Variants in GREB1 observed in about 807,000 individuals in gnomAD.
GREB1 encodes the protein growth regulating estrogen receptor binding 1.
GREB1 carries 106 observed loss-of-function variants against 200.7 expected under a neutral mutation model. The observed-to-expected ratio is 0.53, with a 90% CI of 0.45 to 0.62. GREB1 has a LOEUF of 0.62. GREB1 is among the 20% of genes least tolerant of loss of function. GREB1 has a pLI of 0.00. For missense variants in GREB1, 2,243 were observed against 2,556.8 expected, an observed-to-expected ratio of 0.88 and a Z score of 2.65; for synonymous variants, 1,132 against 1,092.4, an observed-to-expected ratio of 1.04 and a Z score of -0.72.
intron 1 of GREB1, among the ~76,000 whole-genome samples, chr2:11,512,019 C>T (rs867417782): frequency 4.6e-5 from 7 of 152,268 alleles, no homozygotes; most frequent in South Asian, 2.1e-4. Flanking sequence ...TGTTACTCAG[C>T]GATTTCTAGC....
intron 10 of GREB1, chr2:11,592,190 T>A: frequency 2.1e-6 from 1 of 478,832 alleles, no homozygotes; most frequent in Non-Finnish European, 2.7e-6. Flanking sequence ...TTTTTTTCTT[T>A]TTTTTTTTTT....
chr2:11,490,417 C>G (rs991333547), intron 1 of GREB1, among the ~76,000 whole-genome samples: 1 of 152,170 alleles, frequency 6.6e-6, no homozygotes, highest in Non-Finnish European at 1.5e-5. Flanking sequence ...GAATAATATT[C>G]CATTGTATGG....
intron 2 of GREB1, 107 bp from the exon 3 acceptor site, chr2:11,562,356 G>A (rs1389336279): frequency 4.1e-6 from 6 of 1,479,918 alleles, no homozygotes; most frequent in Non-Finnish European, 5.5e-6. Context: ...AGTCCCATAG[G>A]TCCTGGGCTT....
Position 11,595,322 on chromosome 2 carries a change from G to T in GREB1, c.1768G>T (p.Glu590Ter). The change falls in exon 12 of 33, where the codon GAG becomes TAG. Residue 590 changes from glutamate to a stop codon, truncating the protein, a stop_gained. Transcript: ENST00000381486. LOFTEE classifies it high-confidence loss of function. Reference protein sequence around the residue: ...PAEYQKEVNYELVTGKVDSLG... With the variant: ...PAEYQKEVNY ...GGAGTACCAGAAGGAAGTCAATTACGAGCTGGTTACGGGGAAGGTAGACTC... is the reference window on the plus strand; with the variant it reads ...GGAGTACCAGAAGGAAGTCAATTACTAGCTGGTTACGGGGAAGGTAGACTC... 6.2e-7 allele frequency: 1 copy of T among 1,613,994 alleles called. No homozygotes were observed. The highest frequency in any genetic ancestry group is 8.5e-7 in the Non-Finnish European group (1 of 1,179,922).
chr2:11,566,867 A>G lies in GREB1; in HGVS notation c.454+211A>G, dbSNP rs1480129081. 3.9e-5 allele frequency among the ~76,000 whole-genome samples: 6 copies of G among 152,168 alleles called. No individual in the cohort carries two copies. The South Asian group carries it at 6.2e-4, about 16-fold the overall frequency. ...TTACAGTATGACTGCATCCCTGCAG[A>G]AAGCTCACCATTTAGCATTCATTTT... On this transcript the variant is annotated intron_variant, in intron 4 of 32. Coordinates refer to ENST00000381486, the MANE Select transcript of GREB1 (RefSeq NM_014668.4).
chr2:11,605,899 G>A (rs1353580658), intron 17 of GREB1, among the ~76,000 whole-genome samples: 1 of 152,308 alleles, frequency 6.6e-6, no homozygotes, highest in East Asian at 1.9e-4. Context: ...TACAGATAAA[G>A]GTGCTATGAA....
intron 10 of GREB1, chr2:11,592,104 T>G (rs1008198524): frequency 2.7e-5 from 27 of 982,520 alleles, no homozygotes; most frequent in Non-Finnish European, 3.1e-5. Flanking sequence ...TATACCACCG[T>G]AGTTCCAGTC....
At chr2:11,587,627 TATAACACAC>T in intron 9 of GREB1, 1 of 1,433,666 alleles carries the variant, frequency 7.0e-7, no homozygotes, top group Non-Finnish European at 9.1e-7. Flanking sequence ...GACATCTGCA[TATAACACAC>T]AGCCGAAGTC....
At position 11,630,010 on chromosome 2, in the gene GREB1, G is replaced by A. The variant is rs748589739; in HGVS notation, c.4512G>A (p.Gln1504=). 3 of 1,614,158 alleles carry A rather than the reference G, an allele frequency of 1.9e-6. No individual in the cohort carries two copies. Among genetic ancestry groups the A allele is most frequent in the Admixed American group, 1.7e-5 (1 of 60,030 alleles). ...ACTCCATGCTAGGAGAGGAGATCCA[G>A]CTGCACTTCATCATCCCCAAGTCCA... is the stretch of plus-strand genomic sequence containing the variant. ...FSYSMLGEEI[Q]LHFIIPKSKE... is the part of the protein sequence containing the mutation. Residue 1504 remains glutamine (Q), a synonymous_variant, in exon 26 of 33, where the codon CAG becomes CAA. Coordinates refer to ENST00000381486, the MANE Select transcript of GREB1 (RefSeq NM_014668.4).
intron 15 of GREB1, among the ~76,000 whole-genome samples, chr2:11,599,669 T>C (rs1362518620): frequency 1.3e-5 from 2 of 151,994 alleles, no homozygotes; most frequent in Non-Finnish European, 1.5e-5. Context: ...TACAGGCGCC[T>C]GCCACCACAC....
In GREB1 at chr2:11,610,854, G is replaced by A. The variant is rs370772266; in HGVS notation, c.2833G>A (p.Gly945Ser). Residue 945 changes from glycine to serine, a missense_variant, in exon 18 of 33, where the codon GGC becomes AGC. Coordinates refer to ENST00000381486, the MANE Select transcript of GREB1 (RefSeq NM_014668.4). ...CAACTCCCCGAAGCAGTGCCCCTGC[G>A]GCCACGGGCTCATGGTCCTGCTGCG... ...LLNSPKQCPCGHGLMVLLRVP... is the reference protein window; with the variant it reads ...LLNSPKQCPCSHGLMVLLRVP... 48 of 1,613,222 alleles carry A rather than the reference G, an allele frequency of 3.0e-5. No individual in the cohort carries two copies. In the African/African-American group the frequency reaches 4.1e-4, roughly 14 times the overall value.
In GREB1 at chr2:11,633,062, A is replaced by G; in HGVS notation, c.4990A>G (p.Arg1664Gly). The change falls in exon 28 of 33, where the codon AGG (arginine) becomes GGG (glycine). Residue 1664 changes from arginine (R) to glycine (G), a missense_variant and splice_region_variant. Physicochemically the swap from Arg to Gly is moderately radical, Grantham distance 125. This residue lies in a region of GREB1 where 478 missense variants were observed against 616.3 expected (regional missense o/e 0.78). Transcript: ENST00000381486. This position sits in a 1 kb window ranked among gnomAD's most constrained non-coding sequence, Gnocchi z 4.1. The stretch of plus-strand genomic sequence containing the variant: ...TGTCAACTCTGCTGGGGAGAGAAGC[A>G]GGTGAGGTAACCTGAGAGCACCACC... ...VDVNSAGERSREFSWSERNVS... is the reference protein window; with the variant it reads ...VDVNSAGERSGEFSWSERNVS... 6.2e-7 allele frequency: 1 copy of G among 1,614,012 alleles called. No individual in the cohort carries two copies. Among genetic ancestry groups the G allele is most frequent in the Non-Finnish European group, 8.5e-7 (1 of 1,179,912 alleles).
chr2:11,485,062 C>T (rs1672622383), intron 1 of GREB1, among the ~76,000 whole-genome samples: 2 of 152,142 alleles, frequency 1.3e-5, no homozygotes, highest in South Asian at 2.1e-4. Flanking sequence ...CTCCTGTCCT[C>T]GTGATCTGCC....
rs1674186899 is a variant in GREB1, at chr2:11,534,204, C to G, written c.-212C>G. The G allele has an allele frequency of 6.6e-6, 1 of 152,298 alleles. No individual in the cohort carries two copies. The highest frequency in any genetic ancestry group is 1.5e-5 in the Non-Finnish European group (1 of 68,058). 9.4% of individuals were successfully genotyped at this position (152,298 alleles called of 1,614,324 possible). A position where few individuals can be genotyped will look rare whatever the true frequency, so the allele number is the denominator to read the frequency against. ...GAGACCTGGAGCCCTATGGAAAGTTCTGACACCATGTGTGGAAGGACATGG... is the reference window on the plus strand; with the variant it reads ...GAGACCTGGAGCCCTATGGAAAGTTGTGACACCATGTGTGGAAGGACATGG... On this transcript the variant is annotated 5_prime_UTR_variant, in exon 1 of 33. Coordinates refer to ENST00000381486, the MANE Select transcript of GREB1 (RefSeq NM_014668.4).
At position 11,600,855 on chromosome 2, in the gene GREB1, C is replaced by T. The variant is rs1681721325; in HGVS notation, c.2389C>T (p.Arg797Ter). Residue 797 changes from arginine (R) to a stop codon, truncating the protein, a stop_gained, in exon 16 of 33, where the codon CGA becomes TGA. Transcript: ENST00000381486. LOFTEE classifies it high-confidence loss of function. ...TGACCCGTCGGTGGGATTGGTGGAC[C>T]GATTGCTCAACTGCAGGGAGGTGAA... ...QSDPSVGLVD[R>*]LLNCREVKEA... 3 of 1,614,102 alleles carry T rather than the reference C, an allele frequency of 1.9e-6. No homozygotes were observed. Among genetic ancestry groups the T allele is most frequent in the Non-Finnish European group, 2.5e-6 (3 of 1,179,994 alleles).
At position 11,637,755 on chromosome 2, in the gene GREB1, A is replaced by C. The variant is rs1685499124; in HGVS notation, c.5386A>C (p.Ile1796Leu). The change falls in exon 31 of 33, where the codon ATC becomes CTC. Residue 1796 changes from isoleucine (I) to leucine (L), a missense_variant. Transcript: ENST00000381486. ...NSAAVVPAQY[I>L]CAPDSKHTFL... ...TGCCGCGGTCGTGCCGGCCCAGTAC[A>C]TCTGTGCCCCGGACAGCAAGCACAC... The C allele has an allele frequency of 1.2e-6, 2 of 1,613,742 alleles. No individual in the cohort carries two copies. The highest frequency in any genetic ancestry group is 2.7e-5 in the African/African-American group (2 of 74,890).
At chr2:11,571,603 C>T (rs76084521) in intron 4 of GREB1, among the ~76,000 whole-genome samples, 3,404 of 152,306 alleles carry the variant, frequency 0.022, 92 homozygotes, top group African/African-American at 0.067. Context: ...TCGTTGCTAC[C>T]GGTACTTCTG....
chr2:11,598,599 G>T, intron 14 of GREB1, 81 bp from the exon 15 acceptor site: 1 of 1,260,876 alleles, frequency 7.9e-7, no homozygotes, highest in Admixed American at 1.8e-5. Flanking sequence ...CTGTGTAGGA[G>T]TCGCTCCTCA....
chr2:11,564,647 C>A (rs1156347783), intron 3 of GREB1, among the ~76,000 whole-genome samples: 1 of 152,256 alleles, frequency 6.6e-6, no homozygotes, highest in Admixed American at 6.5e-5. Context: ...ATGGACCACA[C>A]TGGGCTGGGA....
Sources: gnomAD v4.1 joint callset for allele counts (sites outside exome capture counted in the v4.1 genomes callset) on GRCh38, gnomAD v4.1.1 for gene constraint, gnomAD v4.1.1 regional missense constraint, Gnocchi (gnomAD v3.1) non-coding constraint, MANE v1.5 for transcripts, NCBI Gene and HGNC (gene_info 2026-07-23, HGNC 2026-07-21) for gene names.